The following RBM20 variants were observed in gnomAD, a reference collection of about 807,000 sequenced individuals.
RBM20 encodes RNA-binding protein 20.
A neutral mutation model predicts 110.1 loss-of-function variants in RBM20; 51 were observed. The ratio of observed to expected loss-of-function variants is 0.46; its 90% CI spans 0.37 to 0.59. The LOEUF (loss-of-function observed/expected upper bound fraction) is 0.59. Among genes scored for constraint, RBM20 ranks in the 20% least tolerant of loss-of-function variants. The probability of loss-of-function intolerance (pLI) is 0.00; values close to 1 mark genes in which losing one functional copy is unlikely to be tolerated. For missense variants in RBM20, 1,512 were observed against 1,574.9 expected, an observed-to-expected ratio of 0.96 and a Z score of 0.68; for synonymous variants, 589 against 618.2, an observed-to-expected ratio of 0.95 and a Z score of 0.70.
intron 6 of RBM20, among the ~76,000 whole-genome samples, chr10:110,799,373 G>A (rs1161458375): frequency 1.3e-5 from 2 of 152,170 alleles, no homozygotes; most frequent in Non-Finnish European, 2.9e-5. Flanking sequence ...ATCTTATAAT[G>A]AGCTCTTTTG....
At chr10:110,643,968 C>G (rs1279403926), upstream of RBM20, among the ~76,000 whole-genome samples, 1 of 152,150 alleles carries the variant, frequency 6.6e-6, no homozygotes, top group African/African-American at 2.4e-5. Context: ...CGCACCGTCC[C>G]CAGGGACAGC....
intron 1 of RBM20, among the ~76,000 whole-genome samples, chr10:110,736,892 C>T (rs568633201): frequency 4.6e-5 from 7 of 152,018 alleles, no homozygotes; most frequent in South Asian, 2.1e-4. Context: ...AAAAAAGACC[C>T]GGCCTGGCGC....
At chr10:110,742,997 C>T (rs551821421) in intron 1 of RBM20, among the ~76,000 whole-genome samples, 12 of 152,196 alleles carry the variant, frequency 7.9e-5, no homozygotes, top group Non-Finnish European at 1.6e-4. Flanking sequence ...AAGTCAGTTG[C>T]ACAGGGACAG....
chr10:110,695,957 G>A (rs1862657516), intron 1 of RBM20, among the ~76,000 whole-genome samples: 1 of 152,214 alleles, frequency 6.6e-6, no homozygotes, highest in African/African-American at 2.4e-5. Context: ...CTTCCTAATA[G>A]TGGTCTTGCC....
At chr10:110,680,660 TG>T (rs1323008789) in intron 1 of RBM20, among the ~76,000 whole-genome samples, 16 of 152,274 alleles carry the variant, frequency 1.1e-4, no homozygotes, top group African/African-American at 3.8e-4. Flanking sequence ...GCGTGTCACC[TG>T]GGGGCGGGGA....
chr10:110,684,394 A>AAAAACAAAAC (rs369390447), intron 1 of RBM20, among the ~76,000 whole-genome samples: 22,782 of 150,736 alleles, frequency 0.15, 1,938 homozygotes, highest in South Asian at 0.23. Context: ...ACTCCATCTT[A>AAAAACAAAAC]AAAACAAAAC....
chr10:110,687,998 TGTGTGTG>T lies in RBM20; in HGVS notation c.191+43354_191+43360del, dbSNP rs1862530784. Reference sequence around the variant, plus strand: ...TGAGTGCTACTCCTAAATGGTTTTGTGTGTGTGTGTGTGTGTGTGTGTGTGTGTGTGT... The same window carrying T: ...TGAGTGCTACTCCTAAATGGTTTTGTTGTGTGTGTGTGTGTGTGTGTGTGT... On this transcript the variant is annotated intron_variant, in intron 1 of 13. Coordinates refer to ENST00000369519, the MANE Select transcript of RBM20 (RefSeq NM_001134363.3). 2.0e-3 allele frequency among the ~76,000 whole-genome samples: 12 copies of T among 6,026 alleles called. No individual in the cohort carries two copies. In the South Asian group the frequency reaches 0.19, roughly 94 times the overall value. The allele number at this position is 6,026 out of a possible 152,430, so 4.0% of individuals were successfully genotyped here.
At chr10:110,717,679 G>A (rs114316373) in intron 1 of RBM20, among the ~76,000 whole-genome samples, 2 of 152,306 alleles carry the variant, frequency 1.3e-5, no homozygotes, top group Non-Finnish European at 2.9e-5. Flanking sequence ...GTGGATCCTG[G>A]CATCTGTTGC....
At chr10:110,820,698 G>A (rs551659391) in intron 10 of RBM20, among the ~76,000 whole-genome samples, 8 of 152,352 alleles carry the variant, frequency 5.3e-5, no homozygotes, top group South Asian at 4.1e-4. Context: ...GGCCATCTTC[G>A]TGCCTTTCCG....
chr10:110,696,285 C>G (rs774222809), intron 1 of RBM20, among the ~76,000 whole-genome samples: 1 of 152,208 alleles, frequency 6.6e-6, no homozygotes, highest in Non-Finnish European at 1.5e-5. Flanking sequence ...CCCTACTCCC[C>G]CAGGACTTCT....
chr10:110,672,160 G>T (rs757383941), intron 1 of RBM20, among the ~76,000 whole-genome samples: 2 of 152,174 alleles, frequency 1.3e-5, no homozygotes, highest in Non-Finnish European at 2.9e-5. Context: ...TCCCTGCCGC[G>T]CTTTGCGTTT....
intron 12 of RBM20, 101 bp from the exon 13 acceptor site, chr10:110,830,960 G>A (rs1418149424): frequency 5.8e-6 from 7 of 1,202,782 alleles, no homozygotes; most frequent in Non-Finnish European, 8.1e-6. Context: ...AGTGAGGGGT[G>A]GAGCTCGTGG....
intron 1 of RBM20, among the ~76,000 whole-genome samples, chr10:110,646,501 T>C (rs1861869701): frequency 6.6e-6 from 1 of 152,198 alleles, no homozygotes; most frequent in South Asian, 2.1e-4. Flanking sequence ...ATGGCTTTGC[T>C]TGCTTTACAT....
At chr10:110,826,998 C>T (rs1160696834) in intron 12 of RBM20, among the ~76,000 whole-genome samples, 3 of 152,134 alleles carry the variant, frequency 2.0e-5, no homozygotes, top group African/African-American at 4.8e-5. Context: ...GTTTTCAGTT[C>T]GGGGCCTTTA....
chr10:110,813,243 A>G (rs2135107006), intron 9 of RBM20, among the ~76,000 whole-genome samples: 1 of 152,274 alleles, frequency 6.6e-6, no homozygotes, highest in South Asian at 2.1e-4. Context: ...CCAGAATTAT[A>G]CCAAGGAGAT....
chr10:110,647,489 A>G (rs1425841435), intron 1 of RBM20, among the ~76,000 whole-genome samples: 1 of 152,208 alleles, frequency 6.6e-6, no homozygotes, highest in Non-Finnish European at 1.5e-5. Context: ...TTAAATATGC[A>G]TTCTCCAAAT....
chr10:110,682,805 T>C lies in RBM20; in HGVS notation c.191+38160T>C, dbSNP rs150413425. Among the ~76,000 whole-genome samples, 584 of 152,384 alleles carry C rather than the reference T, an allele frequency of 3.8e-3. 2 individuals are homozygous for C. Among genetic ancestry groups the C allele is most frequent in the Non-Finnish European group, 6.2e-3 (423 of 68,040 alleles). ...TGTAGGATTATGCAAATATCCTGTT[T>C]CTTTTCAAACTTTCACCTGCTAATT... On this transcript the variant is annotated intron_variant, in intron 1 of 13. Coordinates refer to ENST00000369519, the MANE Select transcript of RBM20 (RefSeq NM_001134363.3).
rs147117426 is a variant in RBM20, at chr10:110,652,847, T to C, written c.191+8202T>C. On this transcript the variant is annotated intron_variant, in intron 1 of 13. Transcript: ENST00000369519. ...CGTGTATGTACCAGCCTTAGTCTAC[T>C]CACTTCCCCTAAGAGGGTTGAGAAA... Among the ~76,000 whole-genome samples the C allele has an allele frequency of 2.4e-4, 37 of 152,332 alleles. 1 individual carries two copies. In the East Asian group the frequency reaches 4.2e-3, roughly 17 times the overall value.
At chr10:110,748,408 C>T (rs1843810515) in intron 1 of RBM20, among the ~76,000 whole-genome samples, 1 of 152,066 alleles carries the variant, frequency 6.6e-6, no homozygotes, top group Admixed American at 6.6e-5. Context: ...GGGAACTAAA[C>T]CAGTGTGCAT....
Sources: allele counts gnomAD v4.1 joint callset (sites outside exome capture counted in the v4.1 genomes callset), GRCh38; gene constraint gnomAD v4.1.1; transcripts MANE v1.5; gene names NCBI Gene and HGNC (gene_info 2026-07-23, HGNC 2026-07-21).